Variants in GPBP1L1 observed in about 807,000 individuals in gnomAD.
GPBP1L1 encodes vasculin-like protein 1.
A neutral mutation model predicts 52.5 loss-of-function variants in GPBP1L1; 23 were observed. The observed-to-expected ratio is 0.44, with a 90% confidence interval of 0.32 to 0.62. GPBP1L1 has a LOEUF of 0.62. Ranked by LOEUF, GPBP1L1 falls within the 20% of genes least tolerant of loss-of-function variation. The pLI is 0.06. For missense variants in GPBP1L1, 596 were observed against 579.3 expected, an observed-to-expected ratio of 1.03 and a Z score of -0.30; for synonymous variants, 243 against 203.1, an observed-to-expected ratio of 1.20 and a Z score of -1.67.
chr1:45,631,288 A>C (rs1293805968), intron 10 of GPBP1L1, among the ~76,000 whole-genome samples: 4 of 152,184 alleles, frequency 2.6e-5, no homozygotes, highest in Non-Finnish European at 5.9e-5. Flanking sequence ...TTGGAGATCA[A>C]GTCTCACTCT....
At chr1:45,665,157 G>T (rs1644994937) in intron 2 of GPBP1L1, among the ~76,000 whole-genome samples, 1 of 152,030 alleles carries the variant, frequency 6.6e-6, no homozygotes, top group African/African-American at 2.4e-5. Flanking sequence ...GGGTGTCGTG[G>T]CTGGCACCTG....
intron 2 of GPBP1L1, among the ~76,000 whole-genome samples, chr1:45,668,786 A>C (rs887326679): frequency 6.6e-6 from 1 of 152,190 alleles, no homozygotes; most frequent in Non-Finnish European, 1.5e-5. Context: ...CAGCCTAGGC[A>C]AAATAGGGAG....
chr1:45,647,379 A>G (rs373952534), intron 6 of GPBP1L1, among the ~76,000 whole-genome samples: 6 of 150,050 alleles, frequency 4.0e-5, no homozygotes, highest in African/African-American at 1.4e-4. Flanking sequence ...TATTTCCAAC[A>G]GTTTGTCCTC....
rs772179728 is a variant in GPBP1L1, at chr1:45,654,579, G to T, written c.441C>A (p.Asp147Glu). 6 of 1,612,784 alleles carry T rather than the reference G, an allele frequency of 3.7e-6. No homozygotes were observed. In the South Asian group the frequency reaches 6.6e-5, roughly 18 times the overall value. The change falls in exon 6 of 13, where the codon GAC (aspartate) becomes GAA (glutamate). Residue 147 changes from aspartate (D) to glutamate (E), a missense_variant. Physicochemically the swap from Asp to Glu is conservative, Grantham distance 45. Transcript: ENST00000355105. ...CTTCAAACTGCAACTTTTCCACCTT[G>T]TCTTCTTTCTTTTCTTCCCTAATCT... ...PMEIREEKKEDKVEKLQFEEE... is the reference protein window; with the variant it reads ...PMEIREEKKEEKVEKLQFEEE...
At chr1:45,630,373 G>T in intron 11 of GPBP1L1, 109 bp downstream of exon 11, 2 of 1,280,874 alleles carry the variant, frequency 1.6e-6, no homozygotes, top group Non-Finnish European at 2.2e-6. Context: ...TTATGACTGG[G>T]CCACTTCTCT....
At chr1:45,641,791 G>C (rs1351440813) in intron 7 of GPBP1L1, 1 of 136,438 alleles carries the variant, frequency 7.3e-6, no homozygotes, top group Non-Finnish European at 1.5e-5. Flanking sequence ...ACTCCAGCCT[G>C]GCAACAGAGT....
At chr1:45,637,557 A>C (rs1213575400) in intron 8 of GPBP1L1, among the ~76,000 whole-genome samples, 1 of 92,846 alleles carries the variant, frequency 1.1e-5, no homozygotes, top group Non-Finnish European at 2.5e-5. Context: ...TCCAATCTTC[A>C]TTCTACCCCT....
At chr1:45,645,676 T>A (rs1044138791) in intron 6 of GPBP1L1, 1 of 320,612 alleles carries the variant, frequency 3.1e-6, no homozygotes, top group East Asian at 9.1e-5. Context: ...TTTACCACCA[T>A]TCCTTTTGTA....
chr1:45,629,694 G>C lies in GPBP1L1; in HGVS notation c.1170-16C>G, dbSNP rs199675776. On this transcript the variant is annotated splice_polypyrimidine_tract_variant and intron_variant, in intron 11 of 12. Transcript: ENST00000355105. ...TTTCAATAACCTGGTGGACGCAGAAGGACAGGTAAAGAGAATACAACATCA... is the reference window on the plus strand; with the variant it reads ...TTTCAATAACCTGGTGGACGCAGAACGACAGGTAAAGAGAATACAACATCA... 1 of 1,502,350 alleles carries C rather than the reference G, an allele frequency of 6.7e-7. No individual in the cohort carries two copies. Among genetic ancestry groups the C allele is most frequent in the Non-Finnish European group, 9.3e-7 (1 of 1,078,178 alleles). 93.1% of individuals were successfully genotyped at this position (1,502,350 alleles called of 1,614,324 possible).
intron 6 of GPBP1L1, among the ~76,000 whole-genome samples, chr1:45,643,837 T>C (rs1194486906): frequency 1.3e-5 from 2 of 151,928 alleles, no homozygotes; most frequent in Non-Finnish European, 2.9e-5. Context: ...ACCCAGCTAA[T>C]TTTTGTATTT....
chr1:45,651,251 A>G (rs768975665), intron 6 of GPBP1L1: 53 of 413,446 alleles, frequency 1.3e-4, no homozygotes, highest in Admixed American at 1.5e-4. Context: ...TCTGTGGAGT[A>G]GACATCCCAC....
At chr1:45,672,534 TAC>T (rs1184285104) in intron 2 of GPBP1L1, among the ~76,000 whole-genome samples, 4 of 138,072 alleles carry the variant, frequency 2.9e-5, no homozygotes, top group South Asian at 2.5e-4. Context: ...ACTCTTTTTA[TAC>T]ACATGTTAAC....
chr1:45,658,427 G>A (rs1644908940), intron 4 of GPBP1L1, among the ~76,000 whole-genome samples: 1 of 152,022 alleles, frequency 6.6e-6, no homozygotes. Context: ...ACTTAACTGT[G>A]TCATGTAATG....
intron 8 of GPBP1L1, among the ~76,000 whole-genome samples, chr1:45,637,333 C>T (rs747752919): frequency 6.6e-6 from 1 of 152,130 alleles, no homozygotes; most frequent in Non-Finnish European, 1.5e-5. Flanking sequence ...TCATATCCTA[C>T]GTACCCAGAA....
At chr1:45,631,064 T>C (rs1644524901) in intron 10 of GPBP1L1, among the ~76,000 whole-genome samples, 2 of 149,566 alleles carry the variant, frequency 1.3e-5, no homozygotes, top group South Asian at 4.3e-4. Flanking sequence ...CAACAAATGG[T>C]GAGGGAACAA....
chr1:45,631,089 TAAA>T (rs57585739), intron 10 of GPBP1L1, among the ~76,000 whole-genome samples: 1 of 143,394 alleles, frequency 7.0e-6, no homozygotes, highest in Non-Finnish European at 1.5e-5. Flanking sequence ...ACAGCCACAC[TAAA>T]AAAAAAAAAA....
intron 10 of GPBP1L1, among the ~76,000 whole-genome samples, chr1:45,631,254 ATTTG>A (rs200862137): frequency 6.0e-5 from 9 of 151,136 alleles, no homozygotes; most frequent in South Asian, 4.1e-4. Context: ...TTATTTATTT[ATTTG>A]TTTATTTACT....
intron 12 of GPBP1L1, 122 bp downstream of exon 12, chr1:45,629,454 T>TTTCCCCCCC (rs758811981): frequency 8.5e-5 from 10 of 117,632 alleles, no homozygotes; most frequent in South Asian, 1.9e-4. Flanking sequence ...ACTAAGGTAA[T>TTTCCCCCCC]CCCCCCCCCC....
intron 2 of GPBP1L1, among the ~76,000 whole-genome samples, chr1:45,683,895 C>G (rs981695816): frequency 1.3e-5 from 2 of 151,968 alleles, no homozygotes; most frequent in Middle Eastern, 3.4e-3. Flanking sequence ...GCACTCCAAT[C>G]TGGGTGACAG....
Sources: gnomAD v4.1 joint callset for allele counts (sites outside exome capture counted in the v4.1 genomes callset) on GRCh38, gnomAD v4.1.1 for gene constraint, MANE v1.5 for transcripts, NCBI Gene and HGNC (gene_info 2026-07-23, HGNC 2026-07-21) for gene names.